The following RGS17 variants were observed in gnomAD, a reference collection of about 807,000 sequenced individuals.
The protein encoded by RGS17 is regulator of G protein signaling 17, also known as regulator of G-protein signaling 17.
In RGS17, 12 loss-of-function variants were observed where a neutral mutation model predicts 25.5. That is an observed-to-expected ratio of 0.47 (90% CI 0.30 to 0.76). The LOEUF is 0.76. RGS17 is among the 30% of genes least tolerant of loss of function. RGS17 has a pLI of 0.07. For synonymous variants in RGS17, 71 were observed against 76.9 expected (o/e 0.92, Z 0.40); for missense variants, 196 against 242.2 (o/e 0.81, Z 1.27).
intron 4 of RGS17, among the ~76,000 whole-genome samples, chr6:153,018,456 T>C (rs1584118997): frequency 6.6e-6 from 1 of 152,338 alleles, no homozygotes; most frequent in East Asian, 1.9e-4. Flanking sequence ...TGAAAGATTG[T>C]TGTGAGACTC....
intron 4 of RGS17, 84 bp from the exon 5 acceptor site, chr6:153,011,846 A>G: frequency 9.9e-7 from 1 of 1,015,032 alleles, no homozygotes; most frequent in Non-Finnish European, 1.4e-6. Context: ...GTGACATTTT[A>G]GAGAAACTTT....
rs527410854 is a variant in RGS17 at position 153,073,236 on chromosome 6, C to G, written c.-25-29193G>C. Among the ~76,000 whole-genome samples the G allele has an allele frequency of 3.3e-5, 5 of 152,294 alleles. No homozygotes were observed. In the East Asian group the frequency reaches 9.6e-4, roughly 29 times the overall value. On this transcript the variant is annotated intron_variant, in intron 1 of 4. Transcript: ENST00000206262. ...ATGCATCTCTCATCTTCTGTGCAAT[C>G]ATCCTGCTCTGCTCCATTGTCTCTT...
intron 1 of RGS17, among the ~76,000 whole-genome samples, chr6:153,067,335 T>G (rs1776725015): frequency 6.6e-6 from 1 of 151,852 alleles, no homozygotes; most frequent in Non-Finnish European, 1.5e-5. Context: ...GAGAAAGAAA[T>G]AAAGGGCATT....
chr6:153,104,635 C>A (rs186342845), intron 1 of RGS17, among the ~76,000 whole-genome samples: 256 of 152,052 alleles, frequency 1.7e-3, no homozygotes, highest in Non-Finnish European at 2.9e-3. Flanking sequence ...TATTTTAGTA[C>A]CTAGGATACA....
In RGS17 at chr6:153,111,055, T is replaced by C. The variant is rs541888125; in HGVS notation, c.-26+20069A>G. Among the ~76,000 whole-genome samples the C allele has an allele frequency of 1.0e-3, 156 of 151,662 alleles. 2 individuals carry two copies. The highest frequency in any genetic ancestry group is 3.6e-3 in the African/African-American group (151 of 41,428). ...CTAGCTGCAGGAGTGTTTTTTTTTT[T>C]CATACCCCAGCAGTGCCTGGAATGC... On this transcript the variant is annotated intron_variant, in intron 1 of 4. Coordinates refer to ENST00000206262, the MANE Select transcript of RGS17 (RefSeq NM_012419.5).
chr6:153,117,695 ATCT>A (rs781077575), intron 1 of RGS17, among the ~76,000 whole-genome samples: 3 of 152,178 alleles, frequency 2.0e-5, no homozygotes, highest in African/African-American at 4.8e-5. Flanking sequence ...CATAATTATC[ATCT>A]TCTTCTCAGC....
chr6:153,105,509 A>C (rs1037938118), intron 1 of RGS17, among the ~76,000 whole-genome samples: 5 of 152,192 alleles, frequency 3.3e-5, no homozygotes, highest in African/African-American at 1.2e-4. Flanking sequence ...TAGCTGTGAA[A>C]TCATGAAGGT....
At chr6:153,068,991 G>A (rs1776745711) in intron 1 of RGS17, among the ~76,000 whole-genome samples, 1 of 152,114 alleles carries the variant, frequency 6.6e-6, no homozygotes, top group South Asian at 2.1e-4. Flanking sequence ...GGGAACCATT[G>A]TACACTGTTG....
In RGS17 at chr6:153,065,464, C is replaced by T. The variant is rs557596890; in HGVS notation, c.-25-21421G>A. On this transcript the variant is annotated intron_variant, in intron 1 of 4. Coordinates refer to ENST00000206262, the MANE Select transcript of RGS17 (RefSeq NM_012419.5). ...ACCAAACAGACTTAACAGATATTTA[C>T]AGAACATTTCACACATACTCTTTTC... 2.0e-4 allele frequency among the ~76,000 whole-genome samples: 30 copies of T among 152,222 alleles called. No individual in the cohort carries two copies. In the South Asian group the frequency reaches 6.2e-3, roughly 32 times the overall value.
chr6:153,114,174 T>C lies in RGS17; in HGVS notation c.-26+16950A>G, dbSNP rs117782516. On this transcript the variant is annotated intron_variant, in intron 1 of 4. Transcript: ENST00000206262. ...TTTTTTAAAAGATTAGCAAAATAGATAGACTGCTAGCCAGATTAATCAAGA... is the reference window on the plus strand; with the variant it reads ...TTTTTTAAAAGATTAGCAAAATAGACAGACTGCTAGCCAGATTAATCAAGA... Among the ~76,000 whole-genome samples the C allele has an allele frequency of 1.5e-4, 23 of 152,028 alleles. No individual in the cohort carries two copies. The East Asian group carries it at 4.1e-3, about 27-fold the overall frequency.
At chr6:153,031,685 G>T (rs1440053673) in intron 2 of RGS17, among the ~76,000 whole-genome samples, 1 of 152,144 alleles carries the variant, frequency 6.6e-6, no homozygotes, top group Non-Finnish European at 1.5e-5. Flanking sequence ...GTTAATTGTG[G>T]TATTGCAAGT....
chr6:153,071,129 A>G (rs1776796050), intron 1 of RGS17, among the ~76,000 whole-genome samples: 1 of 149,704 alleles, frequency 6.7e-6, no homozygotes, highest in Non-Finnish European at 1.5e-5. Flanking sequence ...ATAAGTACAT[A>G]TTGTATATGT....
chr6:153,084,567 A>G (rs952292795), intron 1 of RGS17, among the ~76,000 whole-genome samples: 8 of 152,202 alleles, frequency 5.3e-5, no homozygotes, highest in African/African-American at 1.9e-4. Flanking sequence ...GGAATGATAG[A>G]GAACAGCTGG....
intron 2 of RGS17, among the ~76,000 whole-genome samples, chr6:153,042,386 C>T (rs1220043616): frequency 2.6e-5 from 4 of 152,206 alleles, no homozygotes; most frequent in South Asian, 2.1e-4. Flanking sequence ...TTTTTTCCCA[C>T]GCTGTCCTCA....
chr6:153,068,609 C>T (rs1167440511), intron 1 of RGS17, among the ~76,000 whole-genome samples: 1 of 152,090 alleles, frequency 6.6e-6, no homozygotes, highest in East Asian at 1.9e-4. Flanking sequence ...AGAGGGATCA[C>T]ATCAAGTTAA....
At chr6:153,077,382 G>T (rs1420717445) in intron 1 of RGS17, among the ~76,000 whole-genome samples, 1 of 152,112 alleles carries the variant, frequency 6.6e-6, no homozygotes, top group East Asian at 1.9e-4. Flanking sequence ...GGACAATTGG[G>T]GAAACTCTGG....
chr6:153,114,310 C>A (rs1179248835), intron 1 of RGS17, among the ~76,000 whole-genome samples: 3 of 152,106 alleles, frequency 2.0e-5, no homozygotes, highest in African/African-American at 7.2e-5. Context: ...CACCTCTACA[C>A]AAATAAGCTA....
intron 1 of RGS17, among the ~76,000 whole-genome samples, chr6:153,086,206 CCATGATTCAT>C: frequency 6.6e-6 from 1 of 152,122 alleles, no homozygotes; most frequent in East Asian, 1.9e-4. Context: ...TGACATGATG[CCATGATTCAT>C]CATACTCAAT....
intron 1 of RGS17, among the ~76,000 whole-genome samples, chr6:153,116,325 C>T (rs1292662052): frequency 6.6e-6 from 1 of 152,148 alleles, no homozygotes; most frequent in Non-Finnish European, 1.5e-5. Flanking sequence ...TGAAAAAAAG[C>T]TCATCATCAC....
Sources: allele counts gnomAD v4.1 joint callset (sites outside exome capture counted in the v4.1 genomes callset), GRCh38; gene constraint gnomAD v4.1.1; transcripts MANE v1.5; gene names NCBI Gene and HGNC (gene_info 2026-07-23, HGNC 2026-07-21).